Variants in TCF20 observed in about 807,000 individuals in gnomAD.
TCF20 encodes the protein SPRE-binding protein.
Under a neutral mutation model 148.6 loss-of-function variants are expected in TCF20, and 3 were observed. The observed-to-expected ratio is 0.02, with a 90% CI of 0.01 to 0.05. TCF20 has a LOEUF of 0.05. Ranked by LOEUF, TCF20 falls within the 10% of genes least tolerant of loss-of-function variation. The pLI, the probability that TCF20 is intolerant of heterozygous loss-of-function variation, is 1.00. For missense variants in TCF20, 2,350 were observed against 2,429.3 expected, an observed-to-expected ratio of 0.97 and a Z score of 0.69; for synonymous variants, 1,049 against 909.5, an observed-to-expected ratio of 1.15 and a Z score of -2.76.
intron 2 of TCF20, among the ~76,000 whole-genome samples, chr22:42,190,984 C>T (rs565302540): frequency 2.0e-5 from 3 of 152,232 alleles, no homozygotes; most frequent in African/African-American, 4.8e-5. Flanking sequence ...CCTGGGTTTA[C>T]AGCCTTCAGG....
At chr22:42,197,117 G>A (rs1937630709) in intron 2 of TCF20, among the ~76,000 whole-genome samples, 1 of 152,088 alleles carries the variant, frequency 6.6e-6, no homozygotes, top group Non-Finnish European at 1.5e-5. Flanking sequence ...AGAGACAGGA[G>A]GGTTATCTTT....
chr22:42,188,948 G>C (rs1385842232), intron 2 of TCF20, among the ~76,000 whole-genome samples: 1 of 152,130 alleles, frequency 6.6e-6, no homozygotes. Context: ...AAGGAAGTCA[G>C]GAAAGCATTC....
Position 42,195,573 on chromosome 22 carries a change from T to G in TCF20, c.5655+14078A>C, listed in dbSNP as rs868548465. Among the ~76,000 whole-genome samples, 85 of 151,100 alleles carry G rather than the reference T, an allele frequency of 5.6e-4. 1 individual carries two copies. In the Middle Eastern group the frequency reaches 0.01, roughly 18 times the overall value. ...TGGAGTGCAATGGCGCGATCTCAGC[T>G]CACTGCAACCTCCACCTCCCGGTTC... On this transcript the variant is annotated intron_variant, in intron 2 of 5. Coordinates refer to ENST00000677622, the MANE Select transcript of TCF20 (RefSeq NM_001378418.1).
chr22:42,277,686 C>T (rs371390879), intron 1 of TCF20, among the ~76,000 whole-genome samples: 118 of 152,094 alleles, frequency 7.8e-4, no homozygotes, highest in African/African-American at 2.7e-3. Flanking sequence ...GCGACTTTAT[C>T]CCTGGGCAAA....
In TCF20 at chr22:42,212,508, A is replaced by C. The variant is rs775592933; in HGVS notation, c.2798T>G (p.Phe933Cys). The C allele has an allele frequency of 6.2e-7, 1 of 1,614,158 alleles. No individual in the cohort carries two copies. The highest frequency in any genetic ancestry group is 8.5e-7 in the Non-Finnish European group (1 of 1,180,030). The change falls in exon 2 of 6, where the codon TTT (phenylalanine) becomes TGT (cysteine). Residue 933 changes from phenylalanine (F) to cysteine (C), a missense_variant. Coordinates refer to ENST00000677622, the MANE Select transcript of TCF20 (RefSeq NM_001378418.1). ...ACTAGCTTGAGATTTAGACTGTTCA[A>C]AGTCTTCCTCTTTTATCTGCCCGCT... ...SQSGQIKEED[F>C]EQSKSQASFN...
At chr22:42,216,833 CTT>C (rs1271145183) in intron 1 of TCF20, among the ~76,000 whole-genome samples, 3 of 152,178 alleles carry the variant, frequency 2.0e-5, no homozygotes, top group Non-Finnish European at 4.4e-5. Flanking sequence ...TATAATCCCT[CTT>C]AATCAATCAA....
chr22:42,174,793 T>G (rs1451138201), intron 3 of TCF20, among the ~76,000 whole-genome samples: 5 of 151,938 alleles, frequency 3.3e-5, no homozygotes, highest in African/African-American at 1.2e-4. Flanking sequence ...CCCAGCACTT[T>G]GGGGGGCCAA....
intron 1 of TCF20, among the ~76,000 whole-genome samples, chr22:42,318,126 GC>G (rs1927666666): frequency 6.6e-6 from 1 of 152,260 alleles, no homozygotes. Context: ...CGCCCTGCTC[GC>G]CAGGTATGAT....
chr22:42,173,193 C>T (rs1193786277), intron 3 of TCF20, among the ~76,000 whole-genome samples: 3 of 150,964 alleles, frequency 2.0e-5, no homozygotes, highest in Admixed American at 6.6e-5. Flanking sequence ...CTACCACAGC[C>T]TTTTTTTCTC....
chr22:42,186,693 A>G (rs1402216078), intron 2 of TCF20, among the ~76,000 whole-genome samples: 2 of 152,180 alleles, frequency 1.3e-5, no homozygotes, highest in Non-Finnish European at 2.9e-5. Flanking sequence ...GTTCTTGGCC[A>G]AGTCTCTGGA....
intron 2 of TCF20, among the ~76,000 whole-genome samples, chr22:42,198,816 C>T (rs946547984): frequency 6.6e-6 from 1 of 152,086 alleles, no homozygotes; most frequent in Non-Finnish European, 1.5e-5. Context: ...CGCCCGCCAC[C>T]ACGTCCAGCT....
intron 1 of TCF20, among the ~76,000 whole-genome samples, chr22:42,327,578 A>G (rs1379584456): frequency 6.6e-6 from 1 of 152,084 alleles, no homozygotes; most frequent in Non-Finnish European, 1.5e-5. Context: ...ACATTCCCAC[A>G]ATAAGTCCTC....
chr22:42,164,764 G>C (rs1601503576), intron 5 of TCF20, among the ~76,000 whole-genome samples: 1 of 152,350 alleles, frequency 6.6e-6, no homozygotes, highest in South Asian at 2.1e-4. Flanking sequence ...AGGCTTCTCT[G>C]AGGAAGTAGG....
chr22:42,311,752 C>T (rs979150821), intron 1 of TCF20, among the ~76,000 whole-genome samples: 8 of 152,242 alleles, frequency 5.3e-5, no homozygotes, highest in Middle Eastern at 6.8e-3. Flanking sequence ...AGTGCAATCC[C>T]GGGCACCCTG....
chr22:42,174,921 G>A (rs2147077350), intron 3 of TCF20, among the ~76,000 whole-genome samples: 1 of 152,034 alleles, frequency 6.6e-6, no homozygotes, highest in African/African-American at 2.4e-5. Flanking sequence ...TGTAGTCCCA[G>A]CTGCTGGGGC....
At chr22:42,206,510 G>C (rs1988103556) in intron 2 of TCF20, among the ~76,000 whole-genome samples, 1 of 152,180 alleles carries the variant, frequency 6.6e-6, no homozygotes, top group East Asian at 1.9e-4. Context: ...GGATTATTTT[G>C]AGCGCTCAAA....
At chr22:42,241,056 A>G (rs1242225153) in intron 1 of TCF20, among the ~76,000 whole-genome samples, 1 of 152,098 alleles carries the variant, frequency 6.6e-6, no homozygotes, top group Non-Finnish European at 1.5e-5. Context: ...GGGTTTCACC[A>G]TGTTGGCCAG....
rs764556424 is a variant in TCF20 at position 42,212,512 on chromosome 22, C to A, written c.2794G>T (p.Asp932Tyr). ...GCTTGAGATTTAGACTGTTCAAAGT[C>A]TTCCTCTTTTATCTGCCCGCTCTGG... The part of the protein sequence containing the change: ...KSQSGQIKEE[D>Y]FEQSKSQASF... The change falls in exon 2 of 6, where the codon GAC becomes TAC. Residue 932 changes from aspartate to tyrosine, a missense_variant. This residue lies in a region of TCF20 where 1,641 missense variants were observed against 1,662.6 expected (regional missense o/e 0.99). Transcript: ENST00000677622. 6.2e-7 allele frequency: 1 copy of A among 1,614,208 alleles called. No individual in the cohort carries two copies. Among genetic ancestry groups the A allele is most frequent in the Non-Finnish European group, 8.5e-7 (1 of 1,180,030 alleles).
chr22:42,325,644 A>G (rs1474479151), intron 1 of TCF20, among the ~76,000 whole-genome samples: 1 of 152,140 alleles, frequency 6.6e-6, no homozygotes, highest in Non-Finnish European at 1.5e-5. Flanking sequence ...GGACAAAGGG[A>G]GGCCCTCAAG....
Sources: allele counts gnomAD v4.1 joint callset (sites outside exome capture counted in the v4.1 genomes callset), GRCh38; gene constraint gnomAD v4.1.1; regional missense constraint gnomAD v4.1.1; transcripts MANE v1.5; gene names NCBI Gene and HGNC (gene_info 2026-07-23, HGNC 2026-07-21).